Variants in RUBCN observed in about 807,000 individuals in gnomAD.
RUBCN encodes the protein rubicon autophagy regulator.
A neutral mutation model predicts 113.2 loss-of-function variants in RUBCN; 74 were observed. The observed-to-expected ratio is 0.65, with a 90% confidence interval of 0.54 to 0.79. The LOEUF (loss-of-function observed/expected upper bound fraction) is 0.79. RUBCN is among the 30% of genes least tolerant of loss of function. RUBCN has a pLI of 0.00. For missense variants in RUBCN, 1,109 were observed against 1,251.7 expected, an observed-to-expected ratio of 0.89 and a Z score of 1.72; for synonymous variants, 480 against 490.0, an observed-to-expected ratio of 0.98 and a Z score of 0.27.
At chr3:197,713,751 G>A (rs1725208599) in intron 2 of RUBCN, among the ~76,000 whole-genome samples, 1 of 151,856 alleles carries the variant, frequency 6.6e-6, no homozygotes, top group African/African-American at 2.4e-5. Context: ...AGAGTAAGAA[G>A]AGAGAAGGGC....
At chr3:197,700,364 T>A in intron 7 of RUBCN, 1 of 583,580 alleles carries the variant, frequency 1.7e-6, no homozygotes, top group Non-Finnish European at 3.0e-6. Context: ...TATCCTCTGA[T>A]GTTACCAAAC....
Position 197,674,897 on chromosome 3 carries a change from ATG to A in RUBCN, c.*119_*120del. On this transcript the variant is annotated 3_prime_UTR_variant, in exon 20 of 20. Coordinates refer to ENST00000296343, the MANE Select transcript of RUBCN (RefSeq NM_014687.4). ...CAAGTCAGTAAAAAAAAAAAAAAAG[ATG>A]ATGATAATTAAAAAAAAAAAAAAAA... 3 of 721,172 alleles carry A rather than the reference ATG, an allele frequency of 4.2e-6. No individual in the cohort carries two copies. Among genetic ancestry groups the A allele is most frequent in the Admixed American group, 3.1e-5 (1 of 32,058 alleles). The allele number at this position is 721,172 out of a possible 1,614,324, so 44.7% of individuals were successfully genotyped here.
chr3:197,723,097 G>T (rs952606911), intron 1 of RUBCN, among the ~76,000 whole-genome samples: 3 of 151,934 alleles, frequency 2.0e-5, no homozygotes, highest in Non-Finnish European at 1.5e-5. Context: ...TTCAATTTTG[G>T]TGTGTCATAG....
rs1273836116 is a variant in RUBCN, at chr3:197,730,915, T to A, written c.65+5740A>T. ...TTTTTTTTTTTTTTTTTTTTTTTTT[T>A]ACAGTTTCAACTATTTATTCAACAC... On this transcript the variant is annotated intron_variant, in intron 1 of 19. Transcript: ENST00000296343. Among the ~76,000 whole-genome samples, 5 of 139,730 alleles carry A rather than the reference T, an allele frequency of 3.6e-5. No individual in the cohort carries two copies. In the East Asian group the frequency reaches 1.0e-3, roughly 29 times the overall value. The allele number at this position is 139,730 out of a possible 152,430, so 91.7% of individuals were successfully genotyped here. A position where few individuals can be genotyped will look rare whatever the true frequency, so the allele number is the denominator to read the frequency against.
chr3:197,683,553 C>T lies in RUBCN; in HGVS notation c.1848-114G>A, dbSNP rs1274884738. 1.3e-5 allele frequency: 15 copies of T among 1,176,826 alleles called. No homozygotes were observed. Among genetic ancestry groups the T allele is most frequent in the Non-Finnish European group, 1.2e-6 (1 of 806,508 alleles). 72.9% of individuals were successfully genotyped at this position (1,176,826 alleles called of 1,614,324 possible). A position where few individuals can be genotyped will look rare whatever the true frequency, so the allele number is the denominator to read the frequency against. On this transcript the variant is annotated intron_variant, in intron 12 of 19. Coordinates refer to ENST00000296343, the MANE Select transcript of RUBCN (RefSeq NM_014687.4). This position sits in a 1 kb window ranked among gnomAD's most constrained non-coding sequence, Gnocchi z 4.6. ...AACTTCTGGGCTGGAAGAACACCCG[C>T]AGCACCCTGGCCTGCTCATCACCCT... is the stretch of plus-strand genomic sequence containing the variant.
Position 197,681,035 on chromosome 3 carries a change from AGGGGATG to A in RUBCN, c.2430+87_2430+93del. Reference sequence around the variant, plus strand: ...GGGGATGGGGGGAGGGGACAAGAGGAGGGGATGGGGGGAGGGGACGGGGGAGGGACGA... The same window carrying A: ...GGGGATGGGGGGAGGGGACAAGAGGAGGGGGAGGGGACGGGGGAGGGACGA... On this transcript the variant is annotated intron_variant, in intron 16 of 19. Transcript: ENST00000296343. The surrounding 1 kb of genome is among the most constrained non-coding windows in gnomAD (Gnocchi z 5.5). The A allele has an allele frequency of 2.0e-6, 1 of 492,260 alleles. No individual in the cohort carries two copies. Among genetic ancestry groups the A allele is most frequent in the African/African-American group, 4.9e-5 (1 of 20,560 alleles). 30.5% of individuals were successfully genotyped at this position (492,260 alleles called of 1,614,324 possible).
intron 2 of RUBCN, among the ~76,000 whole-genome samples, chr3:197,706,973 T>C (rs528327680): frequency 1.3e-5 from 2 of 152,312 alleles, no homozygotes; most frequent in Admixed American, 1.3e-4. Context: ...GGATTTTAAG[T>C]GGCCAGCCAG....
Position 197,736,636 on chromosome 3 carries a change from G to A in RUBCN, c.65+19C>T. The A allele has an allele frequency of 6.5e-7, 1 of 1,532,314 alleles. No homozygotes were observed. 94.9% of individuals were successfully genotyped at this position (1,532,314 alleles called of 1,614,324 possible). A position where few individuals can be genotyped will look rare whatever the true frequency, so the allele number is the denominator to read the frequency against. On this transcript the variant is annotated intron_variant, in intron 1 of 19. Coordinates refer to ENST00000296343, the MANE Select transcript of RUBCN (RefSeq NM_014687.4). ...CGGCGCCTGTCGCTGCCCCGACTCCGCGGCGGCTCCCAGCCCACCTGCTCT... is the reference window on the plus strand; with the variant it reads ...CGGCGCCTGTCGCTGCCCCGACTCCACGGCGGCTCCCAGCCCACCTGCTCT...
chr3:197,730,885 C>CTTTTTT lies in RUBCN; in HGVS notation c.65+5764_65+5769dup, dbSNP rs71166707. On this transcript the variant is annotated intron_variant, in intron 1 of 19. Coordinates refer to ENST00000296343, the MANE Select transcript of RUBCN (RefSeq NM_014687.4). ...TTTTTTTTTCATATTTTAAAAGCAT[C>CTTTTTT]TTTTTTTTTTTTTTTTTTTTTTTTT... Among the ~76,000 whole-genome samples, 430 of 49,974 alleles carry CTTTTTT rather than the reference C, an allele frequency of 8.6e-3. 21 individuals carry two copies. Among genetic ancestry groups the CTTTTTT allele is most frequent in the African/African-American group, 0.031 (391 of 12,516 alleles). 32.8% of individuals were successfully genotyped at this position (49,974 alleles called of 152,430 possible). A position where few individuals can be genotyped will look rare whatever the true frequency, so the allele number is the denominator to read the frequency against.
At chr3:197,677,093 G>C (rs920013958) in intron 17 of RUBCN, 55 bp from the exon 18 acceptor site, 2 of 1,539,920 alleles carry the variant, frequency 1.3e-6, no homozygotes, top group Non-Finnish European at 1.8e-6. Context: ...GTGCCACATC[G>C]TAGTAGAAGG....
Position 197,683,228 on chromosome 3 carries a change from T to C in RUBCN, c.1980+79A>G, listed in dbSNP as rs1485003676. 1.3e-6 allele frequency: 2 copies of C among 1,562,296 alleles called. No individual in the cohort carries two copies. Among genetic ancestry groups the C allele is most frequent in the African/African-American group, 2.7e-5 (2 of 73,896 alleles). The stretch of plus-strand genomic sequence containing the variant: ...GGGAACACCCAGGCTCATTCCAGAC[T>C]AGGGACATGTGACGAAGGAAAACAA... On this transcript the variant is annotated intron_variant, in intron 13 of 19. Coordinates refer to ENST00000296343, the MANE Select transcript of RUBCN (RefSeq NM_014687.4). The surrounding 1 kb of genome is among the most constrained non-coding windows in gnomAD (Gnocchi z 4.6).
chr3:197,670,309 T>C lies in RUBCN; in HGVS notation c.*4709A>G, dbSNP rs114499500. On this transcript the variant is annotated 3_prime_UTR_variant, in exon 20 of 20. Coordinates refer to ENST00000296343, the MANE Select transcript of RUBCN (RefSeq NM_014687.4). The stretch of plus-strand genomic sequence containing the variant: ...TCTTTAAACAATATTCTGTGATTCT[T>C]TGTACTCTCAGCTCTGGCATGGTGT... 3.1e-3 allele frequency among the ~76,000 whole-genome samples: 476 copies of C among 152,344 alleles called. 2 individuals carry two copies. Among genetic ancestry groups the C allele is most frequent in the Middle Eastern group, 0.017 (5 of 294 alleles).
chr3:197,731,605 CGGCTGGCCGGGCGG>C (rs1560472623), intron 1 of RUBCN, among the ~76,000 whole-genome samples: 1 of 149,778 alleles, frequency 6.7e-6, no homozygotes. Context: ...CCGGATGGGG[CGGCTGGCCGGGCGG>C]GGCCTGACCC....
Position 197,736,902 on chromosome 3 carries a change from C to T in RUBCN, c.-183G>A. The T allele has an allele frequency of 5.9e-6, 8 of 1,363,292 alleles. No individual in the cohort carries two copies. Among genetic ancestry groups the T allele is most frequent in the Non-Finnish European group, 7.5e-6 (8 of 1,065,160 alleles). The allele number at this position is 1,363,292 out of a possible 1,614,324, so 84.4% of individuals were successfully genotyped here. On this transcript the variant is annotated 5_prime_UTR_variant, in exon 1 of 20. Transcript: ENST00000296343. ...CCTGGGCTGCGGCTTCTATCCCGGC[C>T]ACCCCCACTTCCGGCTCCGGGGACT...
Position 197,683,515 on chromosome 3 carries a change from TC to T in RUBCN, c.1848-77del. On this transcript the variant is annotated intron_variant, in intron 12 of 19. Coordinates refer to ENST00000296343, the MANE Select transcript of RUBCN (RefSeq NM_014687.4). This position sits in a 1 kb window ranked among gnomAD's most constrained non-coding sequence, Gnocchi z 4.6. ...TGCGAGGCTTCCCTTCATGATCTCA[TC>T]CCCCACGCAGCAACTTCTGGGCTGG... 2 of 1,555,910 alleles carry T rather than the reference TC, an allele frequency of 1.3e-6. No individual in the cohort carries two copies. The highest frequency in any genetic ancestry group is 8.8e-7 in the Non-Finnish European group (1 of 1,135,520).
In RUBCN at chr3:197,675,111, C is replaced by T; in HGVS notation, c.2826G>A (p.Leu942=). Residue 942 remains leucine (L), a synonymous_variant, in exon 20 of 20, where the codon CTG becomes CTA. Transcript: ENST00000296343. This position sits in a 1 kb window ranked among gnomAD's most constrained non-coding sequence, Gnocchi z 4.4. ...CERLQARREA[L]ARQSLESYLS... is the part of the protein sequence containing the mutation. The stretch of plus-strand genomic sequence containing the variant: ...GGTAAGACTCCAGGCTCTGCCTGGC[C>T]AGTGCCTCCCGCCGGGCCTGCAGCC... 6.2e-7 allele frequency: 1 copy of T among 1,613,610 alleles called. No homozygotes were observed. The highest frequency in any genetic ancestry group is 8.5e-7 in the Non-Finnish European group (1 of 1,179,994).
intron 11 of RUBCN, among the ~76,000 whole-genome samples, chr3:197,686,269 GA>G (rs1273177027): frequency 2.0e-5 from 3 of 151,714 alleles, no homozygotes; most frequent in Non-Finnish European, 4.4e-5. Flanking sequence ...TCCTTTGAGA[GA>G]AAAAATCATT....
At chr3:197,687,259 GT>G (rs1360874659) in intron 11 of RUBCN, among the ~76,000 whole-genome samples, 9 of 152,164 alleles carry the variant, frequency 5.9e-5, no homozygotes, top group Non-Finnish European at 1.2e-4. Flanking sequence ...AAGTATTCTT[GT>G]TTTATAAAGA....
Position 197,736,899 on chromosome 3 carries a change from G to A in RUBCN, c.-180C>T, listed in dbSNP as rs943962175. 2.3e-5 allele frequency: 31 copies of A among 1,363,732 alleles called. No individual in the cohort carries two copies. In the South Asian group the frequency reaches 4.2e-4, roughly 18 times the overall value. 84.5% of individuals were successfully genotyped at this position (1,363,732 alleles called of 1,614,324 possible). ...CCGCCTGGGCTGCGGCTTCTATCCC[G>A]GCCACCCCCACTTCCGGCTCCGGGG... On this transcript the variant is annotated 5_prime_UTR_variant, in exon 1 of 20. Transcript: ENST00000296343.
Sources: gnomAD v4.1 joint callset for allele counts (sites outside exome capture counted in the v4.1 genomes callset) on GRCh38, gnomAD v4.1.1 for gene constraint, Gnocchi (gnomAD v3.1) non-coding constraint, MANE v1.5 for transcripts, NCBI Gene and HGNC (gene_info 2026-07-23, HGNC 2026-07-21) for gene names.